C12orf42: variants seen among roughly 807,000 people sequenced by gnomAD.
C12orf42 encodes chromosome 12 open reading frame 42.
In C12orf42, 25 loss-of-function variants were observed where a neutral mutation model predicts 21.6. The observed-to-expected ratio is 1.16, with a 90% confidence interval of 0.84 to 1.62. The LOEUF (loss-of-function observed/expected upper bound fraction) is 1.62, where lower values mean the gene tolerates loss of function less well. C12orf42 is among the 40% of genes most tolerant of loss of function. The pLI is 0.00. For synonymous variants in C12orf42, 174 were observed against 175.0 expected, an observed-to-expected ratio of 0.99 and a Z score of 0.05; for missense variants, 483 against 459.3, an observed-to-expected ratio of 1.05 and a Z score of -0.47.
At chr12:103,420,858 C>T (rs776676689) in intron 2 of C12orf42, among the ~76,000 whole-genome samples, 11 of 152,158 alleles carry the variant, frequency 7.2e-5, no homozygotes, top group Admixed American at 2.6e-4. Flanking sequence ...TAGATTGACA[C>T]GACCATTGGA....
At chr12:103,161,405 T>C in the C12orf42 span, 1 of 152,158 alleles carries the variant, frequency 6.6e-6, no homozygotes, top group Non-Finnish European at 1.5e-5. Context: ...TCAAATACAT[T>C]TTAAAAAATT....
intron 1 of C12orf42, among the ~76,000 whole-genome samples, chr12:103,480,288 CCT>C (rs370091937): frequency 3.2e-4 from 48 of 151,556 alleles, no homozygotes; most frequent in African/African-American, 1.1e-3. Flanking sequence ...CCATTATGTC[CCT>C]GTTTTAATTC....
chr12:103,252,190 T>C (rs1253314421), intron 10 of C12orf42, among the ~76,000 whole-genome samples: 1 of 152,194 alleles, frequency 6.6e-6, no homozygotes, highest in African/African-American at 2.4e-5. Context: ...ATCCAGTCTA[T>C]AATTGACGGG....
downstream of C12orf42, chr12:103,268,428 T>A (rs1200696723): frequency 6.6e-6 from 1 of 151,734 alleles, no homozygotes; most frequent in Non-Finnish European, 1.5e-5. Flanking sequence ...ATTAGCAGAG[T>A]CTGTTTTATT....
At chr12:103,545,030 C>T in the C12orf42 span, among the ~76,000 whole-genome samples, 15 of 152,178 alleles carry the variant, frequency 9.9e-5, no homozygotes, top group African/African-American at 3.6e-4. Flanking sequence ...AAAATAAAAA[C>T]TCAACTTAGC....
Position 103,302,688 on chromosome 12 carries a change from A to AAAC in C12orf42, c.632-130_632-129insGTT, listed in dbSNP as rs928166558. The AAAC allele has an allele frequency of 6.8e-6, 5 of 739,540 alleles. No individual in the cohort carries two copies. In the African/African-American group the frequency reaches 9.0e-5, roughly 13 times the overall value. 45.8% of individuals were successfully genotyped at this position (739,540 alleles called of 1,614,324 possible). A position where few individuals can be genotyped will look rare whatever the true frequency, so the allele number is the denominator to read the frequency against. ...TGTGCTCAGAGGGGAAAGAAAAAAA[A>AAAC]AAAAAAACCCTGACATGATCCTCAC... On this transcript the variant is annotated intron_variant, in intron 5 of 5. Transcript: ENST00000548883.
the C12orf42 span, among the ~76,000 whole-genome samples, chr12:103,127,713 T>C: frequency 6.6e-6 from 1 of 152,162 alleles, no homozygotes; most frequent in Non-Finnish European, 1.5e-5. Flanking sequence ...TATCCTGCAA[T>C]GCACAGGACA....
the C12orf42 span, among the ~76,000 whole-genome samples, chr12:103,219,494 T>A: frequency 2.8e-3 from 430 of 151,864 alleles, 4 homozygotes; most frequent in Non-Finnish European, 3.8e-3. Context: ...TGGGAGAAAA[T>A]TTTTGCAATC....
chr12:103,160,014 G>A, the C12orf42 span, among the ~76,000 whole-genome samples: 7 of 152,208 alleles, frequency 4.6e-5, no homozygotes, highest in African/African-American at 7.2e-5. Context: ...TGGAACAACA[G>A]GGCACACTAT....
chr12:103,547,507 T>G, the C12orf42 span, among the ~76,000 whole-genome samples: 1 of 152,174 alleles, frequency 6.6e-6, no homozygotes, highest in Non-Finnish European at 1.5e-5. Context: ...AACATTTTAT[T>G]AAACAACCTT....
At chr12:103,207,831 G>T in the C12orf42 span, among the ~76,000 whole-genome samples, 122 of 152,196 alleles carry the variant, frequency 8.0e-4, no homozygotes, top group Non-Finnish European at 1.4e-3. Context: ...ACATAAAAAG[G>T]CTAAGAAAAG....
intron 4 of C12orf42, among the ~76,000 whole-genome samples, chr12:103,364,927 T>C (rs1017956772): frequency 6.6e-6 from 1 of 151,986 alleles, no homozygotes; most frequent in Non-Finnish European, 1.5e-5. Context: ...ACCAATCCTA[T>C]TGACAGTATT....
chr12:103,056,682 T>C, the C12orf42 span, among the ~76,000 whole-genome samples: 1 of 152,168 alleles, frequency 6.6e-6, no homozygotes, highest in Admixed American at 6.5e-5. Context: ...TGTTTTTTAT[T>C]GTTTTATCTT....
the C12orf42 span, among the ~76,000 whole-genome samples, chr12:103,519,366 A>C: frequency 6.6e-6 from 1 of 152,154 alleles, no homozygotes; most frequent in Admixed American, 6.5e-5. Flanking sequence ...CAAAGCACCA[A>C]GTTCACCTTA....
chr12:103,298,056 G>A (rs1301230218), downstream of C12orf42, among the ~76,000 whole-genome samples: 2 of 151,972 alleles, frequency 1.3e-5, no homozygotes, highest in Non-Finnish European at 2.9e-5. Context: ...AAACAGGGAT[G>A]TCCTCTCTCA....
At chr12:103,485,120 C>T (rs764996216) in intron 1 of C12orf42, among the ~76,000 whole-genome samples, 16 of 152,214 alleles carry the variant, frequency 1.1e-4, no homozygotes, top group African/African-American at 3.4e-4. Context: ...CTGCCCGCCT[C>T]GGCCTCCCAA....
chr12:103,425,845 GC>G (rs1458258846), intron 2 of C12orf42, among the ~76,000 whole-genome samples: 2 of 152,098 alleles, frequency 1.3e-5, no homozygotes, highest in Non-Finnish European at 2.9e-5. Flanking sequence ...CAGTGGCTTT[GC>G]CGAGCTGTGG....
the C12orf42 span, among the ~76,000 whole-genome samples, chr12:103,064,363 C>T: frequency 6.6e-6 from 1 of 152,194 alleles, no homozygotes; most frequent in Non-Finnish European, 1.5e-5. Context: ...GTGGTTGTAG[C>T]TACTGTAATG....
the C12orf42 span, among the ~76,000 whole-genome samples, chr12:103,535,275 T>C: frequency 1.3e-5 from 2 of 152,186 alleles, no homozygotes; most frequent in Non-Finnish European, 2.9e-5. Flanking sequence ...CTGGGTATGG[T>C]AGGCCCATTC....
Sources: gnomAD v4.1 joint callset for allele counts (sites outside exome capture counted in the v4.1 genomes callset) on GRCh38, gnomAD v4.1.1 for gene constraint, MANE v1.5 for transcripts, NCBI Gene and HGNC (gene_info 2026-07-23, HGNC 2026-07-21) for gene names.